BIN1: variants seen among roughly 807,000 people sequenced by gnomAD.
BIN1 encodes the protein bridging integrator 1, also known as myc box-dependent-interacting protein 1.
A neutral mutation model predicts 82.0 loss-of-function variants in BIN1; 53 were observed. That is an observed-to-expected ratio of 0.65 (90% CI 0.52 to 0.81). BIN1 has a LOEUF of 0.81. Ranked by LOEUF, BIN1 falls within the 40% of genes least tolerant of loss-of-function variation. The pLI is 0.00. For missense variants in BIN1, 642 were observed against 784.4 expected, an observed-to-expected ratio of 0.82 and a Z score of 2.17; for synonymous variants, 302 against 328.0, an observed-to-expected ratio of 0.92 and a Z score of 0.86.
In BIN1 at chr2:127,057,924, A is replaced by C. The variant is rs927582965; in HGVS notation, c.1003-323T>G. 1.3e-5 allele frequency among the ~76,000 whole-genome samples: 2 copies of C among 152,008 alleles called. No homozygotes were observed. Among genetic ancestry groups the C allele is most frequent in the Admixed American group, 6.6e-5 (1 of 15,262 alleles). On this transcript the variant is annotated intron_variant, in intron 11 of 18. Coordinates refer to ENST00000316724, the MANE Select transcript of BIN1 (RefSeq NM_139343.3). This position sits in a 1 kb window ranked among gnomAD's most constrained non-coding sequence, Gnocchi z 5.0. ...GAGGCCCCAGGCTGCCCACTGGCCA[A>C]CTGTGGGAGGGGCTGGCTCCCACTG...
intron 1 of BIN1, among the ~76,000 whole-genome samples, chr2:127,085,688 G>T (rs1031070474): frequency 6.6e-6 from 1 of 152,172 alleles, no homozygotes; most frequent in Admixed American, 6.5e-5. Flanking sequence ...CAGCAGGAAG[G>T]GCCCAGCACC....
At chr2:127,099,677 C>A (rs1337263871) in intron 1 of BIN1, among the ~76,000 whole-genome samples, 1 of 151,610 alleles carries the variant, frequency 6.6e-6, no homozygotes, top group Non-Finnish European at 1.5e-5. Flanking sequence ...CTACACCCAG[C>A]TAATTTTTGT....
At chr2:127,065,443 C>T (rs954406203) in intron 7 of BIN1, among the ~76,000 whole-genome samples, 2 of 152,152 alleles carry the variant, frequency 1.3e-5, no homozygotes, top group African/African-American at 4.8e-5. Flanking sequence ...CCCTACTCCC[C>T]TGGGTGTCCC....
At chr2:127,072,282 T>C (rs2105092375) in intron 2 of BIN1, among the ~76,000 whole-genome samples, 1 of 152,274 alleles carries the variant, frequency 6.6e-6, no homozygotes, top group South Asian at 2.1e-4. Flanking sequence ...ACTACAGGCC[T>C]CTCCCTGTCC....
chr2:127,075,321 C>T (rs1221709355), intron 2 of BIN1, among the ~76,000 whole-genome samples: 1 of 152,240 alleles, frequency 6.6e-6, no homozygotes, highest in Non-Finnish European at 1.5e-5. Flanking sequence ...TTCAGAGCAA[C>T]CCACAGCCTG....
chr2:127,064,042 C>A (rs1274900299), intron 7 of BIN1, 24 bp from the exon 8 acceptor site: 2 of 1,613,482 alleles, frequency 1.2e-6, no homozygotes, highest in African/African-American at 2.7e-5. Flanking sequence ...CGGGTCATTC[C>A]CCTCTGTTGG....
intron 1 of BIN1, among the ~76,000 whole-genome samples, chr2:127,086,750 C>T (rs1287839729): frequency 6.6e-6 from 1 of 152,108 alleles, no homozygotes; most frequent in Non-Finnish European, 1.5e-5. Context: ...TCGTGATCCA[C>T]CCGCCTCGAC....
Position 127,048,583 on chromosome 2 carries a change from C to G in BIN1, c.1725G>C (p.Lys575Asn). 5 of 1,613,834 alleles carry G rather than the reference C, an allele frequency of 3.1e-6. No individual in the cohort carries two copies. The highest frequency in any genetic ancestry group is 1.3e-5 in the African/African-American group (1 of 75,048). The stretch of plus-strand genomic sequence containing the variant: ...AGACGCCACGGCACTTCTCCAGCTC[C>G]TTGTGCTGGTTCCAGTCGCTCTCCT... ...GVKESDWNQH[K>N]ELEKCRGVFP... Residue 575 changes from lysine (K) to asparagine (N), a missense_variant, in exon 19 of 19, where the codon AAG becomes AAC. Transcript: ENST00000316724.
rs1573549506 is a variant in BIN1, at chr2:127,053,997, G to A, written c.1147C>T (p.Pro383Ser). The A allele has an allele frequency of 1.9e-6, 3 of 1,551,310 alleles. No individual in the cohort carries two copies. The highest frequency in any genetic ancestry group is 1.7e-6 in the Non-Finnish European group (2 of 1,146,932). ...TTPSQFEAPG[P>S]FSEQASLLDL... ...AGCAGACTGGCCTGCTCCGAGAAAG[G>A]CCCCGGGGCCTCAAACTTGGCAGCA... Residue 383 changes from proline (P) to serine (S), a missense_variant, in exon 13 of 19, where the codon CCT (proline) becomes TCT (serine). Pro to Ser is a moderately conservative substitution (Grantham distance 74, BLOSUM62 -1). Coordinates refer to ENST00000316724, the MANE Select transcript of BIN1 (RefSeq NM_139343.3).
At chr2:127,105,927 G>C (rs1432450385) in intron 1 of BIN1, among the ~76,000 whole-genome samples, 1 of 152,264 alleles carries the variant, frequency 6.6e-6, no homozygotes, top group Non-Finnish European at 1.5e-5. Context: ...TCAGCAGCTG[G>C]CGTGATCCAA....
At position 127,048,522 on chromosome 2, in the gene BIN1, G is replaced by C. The variant is rs758260134; in HGVS notation, c.*4C>G. 3.1e-6 allele frequency: 5 copies of C among 1,613,318 alleles called. No individual in the cohort carries two copies. Among genetic ancestry groups the C allele is most frequent in the Non-Finnish European group, 2.5e-6 (3 of 1,179,590 alleles). ...CACGCCCGGAGGCTGCCTGGGCCCC[G>C]CCGTCATGGGACCCTCTCAGTGAAG... On this transcript the variant is annotated 3_prime_UTR_variant, in exon 19 of 19. Transcript: ENST00000316724.
chr2:127,073,428 T>C (rs920305171), intron 2 of BIN1, among the ~76,000 whole-genome samples: 7 of 152,162 alleles, frequency 4.6e-5, no homozygotes, highest in Admixed American at 2.0e-4. Flanking sequence ...ACTGCCCACC[T>C]CAGCCTGTGT....
At chr2:127,071,435 T>A (rs538627877) in intron 2 of BIN1, among the ~76,000 whole-genome samples, 1 of 151,954 alleles carries the variant, frequency 6.6e-6, no homozygotes. Context: ...AGCAGGGACA[T>A]AGGATGTAGA....
At chr2:127,099,378 G>C (rs1056590924) in intron 1 of BIN1, among the ~76,000 whole-genome samples, 1 of 149,426 alleles carries the variant, frequency 6.7e-6, no homozygotes, top group East Asian at 2.0e-4. Flanking sequence ...GTGTGGTAGC[G>C]GGGGCAGTGT....
At position 127,067,007 on chromosome 2, in the gene BIN1, G is replaced by T. The variant is rs1685222480; in HGVS notation, c.612+1156C>A. On this transcript the variant is annotated intron_variant, in intron 7 of 18. Transcript: ENST00000316724. This position sits in a 1 kb window ranked among gnomAD's most constrained non-coding sequence, Gnocchi z 4.7. ...GATTGCTTGAGTTGGGGAAGTCAAG[G>T]CTGCAGTGAGTCATGATCACACCAC... is the stretch of plus-strand genomic sequence containing the variant. Among the ~76,000 whole-genome samples the T allele has an allele frequency of 1.3e-5, 2 of 151,608 alleles. No homozygotes were observed. Among genetic ancestry groups the T allele is most frequent in the South Asian group, 4.2e-4 (2 of 4,792 alleles).
At chr2:127,079,238 C>T (rs1686997806) in intron 1 of BIN1, among the ~76,000 whole-genome samples, 1 of 152,204 alleles carries the variant, frequency 6.6e-6, no homozygotes, top group African/African-American at 2.4e-5. Context: ...CTCCACGCAG[C>T]AGTGAGAAGA....
intron 2 of BIN1, among the ~76,000 whole-genome samples, chr2:127,071,290 G>A (rs185728053): frequency 6.6e-6 from 1 of 152,290 alleles, no homozygotes; most frequent in African/African-American, 2.4e-5. Flanking sequence ...AGGACAGAGA[G>A]CTCCCACTGC....
rs79204380 is a variant in BIN1, at chr2:127,087,099, T to C, written c.85-10393A>G. The stretch of plus-strand genomic sequence containing the variant: ...AAAAGTGGTGTTGGGTTTTCTCTTT[T>C]ACATCCTTAACTGACAATAAAAACT... On this transcript the variant is annotated intron_variant, in intron 1 of 18. Coordinates refer to ENST00000316724, the MANE Select transcript of BIN1 (RefSeq NM_139343.3). 6.6e-3 allele frequency among the ~76,000 whole-genome samples: 1,013 copies of C among 152,336 alleles called. 15 individuals carry two copies. The highest frequency in any genetic ancestry group is 0.023 in the African/African-American group (969 of 41,570).
intron 2 of BIN1, among the ~76,000 whole-genome samples, chr2:127,071,606 G>A (rs1053552822): frequency 6.6e-6 from 1 of 152,162 alleles, no homozygotes; most frequent in African/African-American, 2.4e-5. Flanking sequence ...CAGGAAAGCT[G>A]AGTGGAGAAC....
Sources: gnomAD v4.1 joint callset for allele counts (sites outside exome capture counted in the v4.1 genomes callset) on GRCh38, gnomAD v4.1.1 for gene constraint, Gnocchi (gnomAD v3.1) non-coding constraint, MANE v1.5 for transcripts, NCBI Gene and HGNC (gene_info 2026-07-23, HGNC 2026-07-21) for gene names.